The following RSRC1 variants were observed in gnomAD, a reference collection of about 807,000 sequenced individuals.
RSRC1 encodes arginine and serine rich coiled-coil 1.
A neutral mutation model predicts 49.1 loss-of-function variants in RSRC1; 39 were observed. The ratio of observed to expected loss-of-function variants is 0.79; its 90% CI spans 0.61 to 1.04. The LOEUF (loss-of-function observed/expected upper bound fraction) is 1.04. Among genes scored for constraint, RSRC1 ranks in the 50% least tolerant of loss-of-function variants. The probability of loss-of-function intolerance (pLI) is 0.00; values close to 1 mark genes in which losing one functional copy is unlikely to be tolerated. For missense variants in RSRC1, 388 were observed against 402.4 expected, an observed-to-expected ratio of 0.96 and a Z score of 0.31; for synonymous variants, 143 against 130.8, an observed-to-expected ratio of 1.09 and a Z score of -0.63.
intron 6 of RSRC1, among the ~76,000 whole-genome samples, chr3:158,412,509 T>A (rs1236372734): frequency 6.6e-6 from 1 of 152,160 alleles, no homozygotes; most frequent in Non-Finnish European, 1.5e-5. Context: ...CTATACATAT[T>A]AAGTGTTCTT....
At chr3:158,391,102 A>G (rs898468576) in intron 6 of RSRC1, among the ~76,000 whole-genome samples, 11 of 152,204 alleles carry the variant, frequency 7.2e-5, no homozygotes, top group Non-Finnish European at 1.6e-4. Context: ...TAGTAATATT[A>G]TAATTTTATA....
At chr3:158,323,223 T>TA (rs1728862835) in intron 5 of RSRC1, among the ~76,000 whole-genome samples, 1 of 152,212 alleles carries the variant, frequency 6.6e-6, no homozygotes. Context: ...CTGCAGTGTT[T>TA]ATCTGCTGAT....
At chr3:158,286,865 C>A (rs1357154363) in intron 4 of RSRC1, among the ~76,000 whole-genome samples, 3 of 152,214 alleles carry the variant, frequency 2.0e-5, no homozygotes, top group African/African-American at 7.2e-5. Context: ...TTCGCTCTGT[C>A]ACCCAGGCTG....
chr3:158,201,040 T>G lies in RSRC1; in HGVS notation c.321-2032T>G, dbSNP rs187964128. ...TTAGTATTTATTGTAATGCAAGTCT[T>G]CTGTTGATATTTGTTTACTTTTCCT... On this transcript the variant is annotated intron_variant, in intron 3 of 9. Transcript: ENST00000611884. 6.0e-4 allele frequency among the ~76,000 whole-genome samples: 92 copies of G among 152,272 alleles called. 2 individuals are homozygous for G. Among genetic ancestry groups the G allele is most frequent in the Admixed American group, 5.2e-3 (80 of 15,298 alleles).
At chr3:158,504,722 G>A (rs1222691556) in intron 7 of RSRC1, among the ~76,000 whole-genome samples, 1 of 152,150 alleles carries the variant, frequency 6.6e-6, no homozygotes, top group Non-Finnish European at 1.5e-5. Flanking sequence ...TTTGGCAAGT[G>A]TATCCAAATG....
intron 7 of RSRC1, among the ~76,000 whole-genome samples, chr3:158,481,376 CTT>C (rs1174842298): frequency 2.0e-5 from 3 of 152,048 alleles, no homozygotes; most frequent in Non-Finnish European, 4.4e-5. Context: ...ACTGAATAAA[CTT>C]TGTGATTTTT....
intron 6 of RSRC1, among the ~76,000 whole-genome samples, chr3:158,438,399 T>C (rs1393315644): frequency 1.3e-5 from 2 of 152,014 alleles, no homozygotes; most frequent in Non-Finnish European, 2.9e-5. Context: ...GGAGGTATCA[T>C]GCTACCTGAC....
intron 7 of RSRC1, among the ~76,000 whole-genome samples, chr3:158,509,708 C>T (rs896420813): frequency 6.6e-6 from 1 of 152,044 alleles, no homozygotes; most frequent in African/African-American, 2.4e-5. Flanking sequence ...ATTTTTATGA[C>T]TTGCTTTCTT....
At chr3:158,417,334 G>C (rs1734795372) in intron 6 of RSRC1, among the ~76,000 whole-genome samples, 1 of 151,956 alleles carries the variant, frequency 6.6e-6, no homozygotes, top group Non-Finnish European at 1.5e-5. Flanking sequence ...CTGCTTTTCT[G>C]ACAGCATTTT....
chr3:158,142,956 T>G (rs911714319), intron 3 of RSRC1, among the ~76,000 whole-genome samples: 11 of 152,236 alleles, frequency 7.2e-5, no homozygotes, highest in African/African-American at 2.4e-4. Flanking sequence ...AACATTGTAT[T>G]TCAGCATCCT....
chr3:158,132,870 A>G lies in RSRC1; in HGVS notation c.320+8879A>G, dbSNP rs539297501. Among the ~76,000 whole-genome samples the G allele has an allele frequency of 2.6e-5, 4 of 152,308 alleles. No individual in the cohort carries two copies. The South Asian group carries it at 6.2e-4, about 24-fold the overall frequency. On this transcript the variant is annotated intron_variant, in intron 3 of 9. Transcript: ENST00000611884. ...ACAGGAATAAATCTTTGGCAACTCT[A>G]TTAGAAAATGATTAAGTATGCCCAG...
At chr3:158,417,928 T>C (rs1734834171) in intron 6 of RSRC1, among the ~76,000 whole-genome samples, 1 of 151,920 alleles carries the variant, frequency 6.6e-6, no homozygotes. Context: ...CAGAAGAGCC[T>C]ATCAAATTGC....
At chr3:158,250,118 C>T (rs1724125175) in intron 4 of RSRC1, among the ~76,000 whole-genome samples, 1 of 152,190 alleles carries the variant, frequency 6.6e-6, no homozygotes, top group South Asian at 2.1e-4. Flanking sequence ...CCGCCAGTTC[C>T]AGCTGTGTTA....
chr3:158,462,717 A>G (rs1226456472), intron 7 of RSRC1, among the ~76,000 whole-genome samples: 1 of 152,040 alleles, frequency 6.6e-6, no homozygotes, highest in Non-Finnish European at 1.5e-5. Context: ...AGCTCTAAGC[A>G]TCTTTTAAGA....
chr3:158,232,529 C>T (rs556087719), intron 4 of RSRC1, among the ~76,000 whole-genome samples: 7 of 152,200 alleles, frequency 4.6e-5, no homozygotes, highest in East Asian at 3.9e-4. Flanking sequence ...GTTGACTATA[C>T]GCTTTCTATA....
intron 3 of RSRC1, among the ~76,000 whole-genome samples, chr3:158,181,125 C>T (rs1719601371): frequency 6.6e-6 from 1 of 152,072 alleles, no homozygotes; most frequent in Non-Finnish European, 1.5e-5. Flanking sequence ...TTTAAAAGCT[C>T]CCCAGGTAAC....
At chr3:158,376,587 G>A (rs1732388913) in intron 6 of RSRC1, among the ~76,000 whole-genome samples, 1 of 152,104 alleles carries the variant, frequency 6.6e-6, no homozygotes, top group Admixed American at 6.5e-5. Flanking sequence ...CCCTTTCCCA[G>A]CATTATGGCT....
At chr3:158,282,592 T>G (rs1288584457) in intron 4 of RSRC1, among the ~76,000 whole-genome samples, 2 of 152,196 alleles carry the variant, frequency 1.3e-5, no homozygotes, top group Non-Finnish European at 2.9e-5. Context: ...CTTGGGACAT[T>G]TGCAAAGATC....
intron 3 of RSRC1, among the ~76,000 whole-genome samples, chr3:158,180,149 T>C (rs1719493816): frequency 6.6e-6 from 1 of 152,080 alleles, no homozygotes; most frequent in South Asian, 2.1e-4. Context: ...TTTCTCCTAG[T>C]CTTTAGCTTG....
Sources: allele counts gnomAD v4.1 joint callset (sites outside exome capture counted in the v4.1 genomes callset), GRCh38; gene constraint gnomAD v4.1.1; transcripts MANE v1.5; gene names NCBI Gene and HGNC (gene_info 2026-07-23, HGNC 2026-07-21).